Variants in C16orf74 observed in about 807,000 individuals in gnomAD.
C16orf74 encodes uncharacterized protein C16orf74.
C16orf74 carries 10 observed loss-of-function variants against 6.5 expected under a neutral mutation model. The observed-to-expected ratio is 1.54, with a 90% CI of 0.95 to 2.61. The LOEUF is 2.61. Among genes scored for constraint, C16orf74 ranks in the 30% most tolerant of loss-of-function variants. The pLI is 0.00. For missense variants in C16orf74, 141 were observed against 105.9 expected, an observed-to-expected ratio of 1.33 and a Z score of -1.45; for synonymous variants, 60 against 42.5, an observed-to-expected ratio of 1.41 and a Z score of -1.60.
chr16:85,744,591 G>C (rs9308357), intron 1 of C16orf74, among the ~76,000 whole-genome samples: 5,032 of 152,232 alleles, frequency 0.033, 266 homozygotes, highest in African/African-American at 0.12. Context: ...AGCACTTTGG[G>C]AGGCCAAGGC....
At chr16:85,746,147 C>T (rs1461433445) in intron 1 of C16orf74, among the ~76,000 whole-genome samples, 1 of 152,044 alleles carries the variant, frequency 6.6e-6, no homozygotes, top group African/African-American at 2.4e-5. Context: ...GCTGGGCGTT[C>T]AAGACCAGCC....
chr16:85,712,113 G>C (rs1388498580), intron 2 of C16orf74, among the ~76,000 whole-genome samples: 1 of 152,224 alleles, frequency 6.6e-6, no homozygotes, highest in East Asian at 1.9e-4. Context: ...GCAGCCTGTG[G>C]AGCAGCTCAC....
chr16:85,741,364 C>G (rs1278262499), intron 1 of C16orf74, among the ~76,000 whole-genome samples: 1 of 152,094 alleles, frequency 6.6e-6, no homozygotes, highest in Non-Finnish European at 1.5e-5. Context: ...TTGAAAGACC[C>G]CTACCTCAAA....
intron 2 of C16orf74, among the ~76,000 whole-genome samples, chr16:85,731,021 T>A (rs2054182167): frequency 6.6e-6 from 1 of 152,228 alleles, no homozygotes; most frequent in Non-Finnish European, 1.5e-5. Flanking sequence ...ACCTTATTCA[T>A]GGGACTGCTA....
chr16:85,738,026 ATTC>A (rs1397681035), intron 1 of C16orf74, among the ~76,000 whole-genome samples: 1 of 147,814 alleles, frequency 6.8e-6, no homozygotes, highest in African/African-American at 2.5e-5. Flanking sequence ...GTCCAAGACA[ATTC>A]TTCTTCCAGT....
chr16:85,724,547 G>A (rs551339225), intron 2 of C16orf74, among the ~76,000 whole-genome samples: 1 of 152,292 alleles, frequency 6.6e-6, no homozygotes, highest in East Asian at 1.9e-4. Context: ...GCCTTGCTGT[G>A]CGGATGAAAG....
At chr16:85,712,609 C>T (rs574072533) in intron 2 of C16orf74, among the ~76,000 whole-genome samples, 1 of 152,288 alleles carries the variant, frequency 6.6e-6, no homozygotes, top group South Asian at 2.1e-4. Context: ...GCCATTCAGG[C>T]CAAATTCTTG....
At chr16:85,722,627 T>C (rs767666136) in intron 2 of C16orf74, among the ~76,000 whole-genome samples, 2 of 151,874 alleles carry the variant, frequency 1.3e-5, no homozygotes, top group Non-Finnish European at 2.9e-5. Context: ...GCTCGCTCCC[T>C]GATCAGGGAC....
chr16:85,736,676 G>C (rs1244311564), intron 1 of C16orf74, among the ~76,000 whole-genome samples: 1 of 152,174 alleles, frequency 6.6e-6, no homozygotes, highest in African/African-American at 2.4e-5. Flanking sequence ...CATTGCACTA[G>C]CTGGGCCAGG....
At chr16:85,720,130 T>C (rs961676237) in intron 2 of C16orf74, among the ~76,000 whole-genome samples, 3 of 152,254 alleles carry the variant, frequency 2.0e-5, no homozygotes, top group Non-Finnish European at 2.9e-5. Context: ...TTGGCGGTTT[T>C]ACCTTTTCGA....
In C16orf74 at chr16:85,708,663, G is replaced by T. The variant is rs541347614; in HGVS notation, c.173-597C>A. On this transcript the variant is annotated intron_variant, in intron 3 of 3. Coordinates refer to ENST00000284245, the MANE Select transcript of C16orf74 (RefSeq NM_206967.3). ...CATTTAGCCTGGTGCCAGGCACTTG[G>T]AAAGGTCACAGAGGAATGCGCCCCA... Among the ~76,000 whole-genome samples, 3 of 152,330 alleles carry T rather than the reference G, an allele frequency of 2.0e-5. No homozygotes were observed. In the East Asian group the frequency reaches 5.8e-4, roughly 29 times the overall value.
intron 2 of C16orf74, among the ~76,000 whole-genome samples, chr16:85,722,632 A>C (rs1360744194): frequency 6.6e-6 from 1 of 151,808 alleles, no homozygotes; most frequent in Non-Finnish European, 1.5e-5. Context: ...CTCCCTGATC[A>C]GGGACCAGGA....
chr16:85,712,050 C>T (rs905299573), intron 2 of C16orf74, among the ~76,000 whole-genome samples: 6 of 152,230 alleles, frequency 3.9e-5, no homozygotes, highest in African/African-American at 1.4e-4. Flanking sequence ...CTTGCTCTCT[C>T]TTGGAACACT....
At chr16:85,745,283 C>A (rs1246637462) in intron 1 of C16orf74, among the ~76,000 whole-genome samples, 1 of 151,730 alleles carries the variant, frequency 6.6e-6, no homozygotes, top group Non-Finnish European at 1.5e-5. Context: ...GGTGGCAAGA[C>A]AGACAGACAT....
intron 1 of C16orf74, among the ~76,000 whole-genome samples, chr16:85,750,222 C>T (rs1186651318): frequency 6.6e-6 from 1 of 152,228 alleles, no homozygotes; most frequent in Non-Finnish European, 1.5e-5. Context: ...GCCTGTCGAG[C>T]CTGCACAGAT....
rs755456516 is a variant in C16orf74, at chr16:85,707,967, C to A, written c.*41G>T. Reference sequence around the variant, plus strand: ...CGCCCCCGGACACCTGAAGCCGGGCCGCTGGAGCAGGAGCCAGCCAGCCAA... The same window carrying A: ...CGCCCCCGGACACCTGAAGCCGGGCAGCTGGAGCAGGAGCCAGCCAGCCAA... On this transcript the variant is annotated 3_prime_UTR_variant, in exon 4 of 4. Transcript: ENST00000284245. The A allele has an allele frequency of 3.9e-6, 6 of 1,535,000 alleles. No individual in the cohort carries two copies. The highest frequency in any genetic ancestry group is 3.6e-5 in the South Asian group (3 of 83,710).
chr16:85,715,622 G>A (rs968145101), intron 2 of C16orf74, among the ~76,000 whole-genome samples: 2 of 152,228 alleles, frequency 1.3e-5, no homozygotes, highest in Non-Finnish European at 2.9e-5. Flanking sequence ...GAAAGCAGCC[G>A]TAGACAACGT....
At chr16:85,729,891 G>C (rs185349340) in intron 2 of C16orf74, among the ~76,000 whole-genome samples, 1 of 152,174 alleles carries the variant, frequency 6.6e-6, no homozygotes, top group Non-Finnish European at 1.5e-5. Flanking sequence ...TCAGAACAAT[G>C]AGAGAATAAA....
At chr16:85,723,384 T>G (rs1255815697) in intron 2 of C16orf74, among the ~76,000 whole-genome samples, 5 of 146,694 alleles carry the variant, frequency 3.4e-5, no homozygotes, top group Admixed American at 6.8e-5. Flanking sequence ...CTGGGCAACA[T>G]AGCAAGATCC....
Sources: allele counts gnomAD v4.1 joint callset (sites outside exome capture counted in the v4.1 genomes callset), GRCh38; gene constraint gnomAD v4.1.1; transcripts MANE v1.5; gene names NCBI Gene and HGNC (gene_info 2026-07-23, HGNC 2026-07-21).